The following GSE1 variants were observed in gnomAD, a reference collection of about 807,000 sequenced individuals.
GSE1 encodes the protein genetic suppressor element 1.
A neutral mutation model predicts 112.6 loss-of-function variants in GSE1; 32 were observed. The ratio of observed to expected loss-of-function variants is 0.28; its 90% CI spans 0.21 to 0.38. The LOEUF is 0.38. GSE1 is among the 10% of genes least tolerant of loss of function. The pLI is 1.00. For missense variants in GSE1, 2,348 were observed against 1,699.2 expected (o/e 1.38, Z -6.71); for synonymous variants, 1,115 against 735.6 (o/e 1.52, Z -8.35).
At chr16:85,668,448 G>A (rs770332974) in intron 14 of GSE1, 24 bp downstream of exon 14, 2 of 1,492,748 alleles carry the variant, frequency 1.3e-6, no homozygotes, top group Non-Finnish European at 1.8e-6. Flanking sequence ...GGGGAAGAGG[G>A]GGGAGGGGGT....
intron 1 of GSE1, among the ~76,000 whole-genome samples, chr16:85,326,213 G>A (rs1036312467): frequency 1.3e-5 from 2 of 151,968 alleles, no homozygotes; most frequent in African/African-American, 4.8e-5. Context: ...ACCTGGGAGG[G>A]GCGGTTAAGC....
chr16:85,224,057 T>A lies in GSE1; in HGVS notation c.2283+52250T>A, dbSNP rs539098848. 9.9e-5 allele frequency among the ~76,000 whole-genome samples: 15 copies of A among 152,062 alleles called. No individual in the cohort carries two copies. In the East Asian group the frequency reaches 2.7e-3, roughly 27 times the overall value. On this transcript the variant is annotated intron_variant, in intron 1 of 2. Transcript: ENST00000637419. Reference sequence around the variant, plus strand: ...TATCAGCACCATTTTCAAGACATTCTGGAGGCAGAGACACTTCCTCCCTTG... The same window carrying A: ...TATCAGCACCATTTTCAAGACATTCAGGAGGCAGAGACACTTCCTCCCTTG...
At chr16:85,547,671 A>G (rs1209985756) in intron 2 of GSE1, among the ~76,000 whole-genome samples, 1 of 151,170 alleles carries the variant, frequency 6.6e-6, no homozygotes, top group Non-Finnish European at 1.5e-5. Flanking sequence ...ACCTGAAGTC[A>G]GGAGTTCGAG....
At chr16:85,589,491 TGA>T (rs757769256) in intron 1 of GSE1, among the ~76,000 whole-genome samples, 99 of 152,254 alleles carry the variant, frequency 6.5e-4, no homozygotes, top group Admixed American at 1.2e-3. Flanking sequence ...CCTGGTGGGT[TGA>T]GTTTCCCTGG....
intron 1 of GSE1, among the ~76,000 whole-genome samples, chr16:85,332,607 A>G (rs2046398843): frequency 6.6e-6 from 1 of 151,992 alleles, no homozygotes; most frequent in South Asian, 2.1e-4. Context: ...CCAGGGCCGC[A>G]CTGCTCTCTG....
intron 2 of GSE1, among the ~76,000 whole-genome samples, chr16:85,387,909 T>C (rs1209216820): frequency 6.7e-6 from 1 of 150,270 alleles, no homozygotes; most frequent in East Asian, 2.0e-4. Flanking sequence ...TGTGAGTGGA[T>C]AGGTGGGTGA....
At chr16:85,380,022 C>T (rs1482419160) in intron 2 of GSE1, among the ~76,000 whole-genome samples, 2 of 152,230 alleles carry the variant, frequency 1.3e-5, no homozygotes, top group African/African-American at 4.8e-5. Flanking sequence ...GACAGAACAG[C>T]AGGTGTTTGG....
intron 11 of GSE1, 91 bp downstream of exon 11, chr16:85,663,705 G>A: frequency 7.7e-7 from 1 of 1,298,968 alleles, no homozygotes; most frequent in Non-Finnish European, 1.1e-6. Context: ...CTCCAGGCAG[G>A]ATCTGCGATC....
Position 85,568,158 on chromosome 16 carries a change from A to G in GSE1, c.37+11795A>G, listed in dbSNP as rs367553730. Among the ~76,000 whole-genome samples, 231 of 152,322 alleles carry G rather than the reference A, an allele frequency of 1.5e-3. 1 individual carries two copies. Among genetic ancestry groups the G allele is most frequent in the African/African-American group, 5.2e-3 (216 of 41,560 alleles). ...CACCCACCCACATCCTCTGTGAAGT[A>G]TGTGTTTCCAGAGAGTGGTAGCCTT... On this transcript the variant is annotated intron_variant, in intron 1 of 2. Coordinates refer to the GSE1 transcript ENST00000635906.
At chr16:85,453,978 C>A (rs764985902) in intron 2 of GSE1, among the ~76,000 whole-genome samples, 1 of 152,118 alleles carries the variant, frequency 6.6e-6, no homozygotes, top group Non-Finnish European at 1.5e-5. Context: ...GGTCCTCATG[C>A]CCCAGGAAGG....
At chr16:85,610,877 G>C (rs958314905), upstream of GSE1, among the ~76,000 whole-genome samples, 1 of 152,232 alleles carries the variant, frequency 6.6e-6, no homozygotes, top group African/African-American at 2.4e-5. Flanking sequence ...TCGCAATCCA[G>C]GGGAGCTAGA....
chr16:85,588,712 C>T (rs2046823735), intron 1 of GSE1, among the ~76,000 whole-genome samples: 1 of 152,180 alleles, frequency 6.6e-6, no homozygotes, highest in South Asian at 2.1e-4. Flanking sequence ...CTTGGGCAGG[C>T]GGCGAAATCT....
At chr16:85,205,990 CGGT>C (rs2075108120) in intron 1 of GSE1, among the ~76,000 whole-genome samples, 1 of 152,190 alleles carries the variant, frequency 6.6e-6, no homozygotes, top group Non-Finnish European at 1.5e-5. Context: ...AGACAGATGT[CGGT>C]GGCCAAATCA....
At chr16:85,324,876 T>G (rs981143491) in intron 1 of GSE1, among the ~76,000 whole-genome samples, 4 of 152,234 alleles carry the variant, frequency 2.6e-5, no homozygotes, top group Non-Finnish European at 5.9e-5. Flanking sequence ...TGGAGTTAGT[T>G]GCACGGCATT....
chr16:85,449,843 A>G (rs985643188), intron 2 of GSE1, among the ~76,000 whole-genome samples: 1 of 152,204 alleles, frequency 6.6e-6, no homozygotes, highest in Non-Finnish European at 1.5e-5. Context: ...TCTGATGATG[A>G]CAACAATAAT....
intron 1 of GSE1, among the ~76,000 whole-genome samples, chr16:85,616,909 A>T (rs553206581): frequency 7.7e-4 from 117 of 152,194 alleles, no homozygotes; most frequent in Non-Finnish European, 1.4e-3. Context: ...GACAGATAAA[A>T]CAGGAGCGTG....
intron 2 of GSE1, among the ~76,000 whole-genome samples, chr16:85,372,444 C>T (rs1250612541): frequency 6.9e-6 from 1 of 143,906 alleles, no homozygotes; most frequent in Non-Finnish European, 1.5e-5. Flanking sequence ...ATGCACACTG[C>T]ACTCCAACCT....
intron 1 of GSE1, among the ~76,000 whole-genome samples, chr16:85,294,863 T>C (rs189861539): frequency 6.6e-6 from 1 of 152,242 alleles, no homozygotes; most frequent in East Asian, 1.9e-4. Context: ...TTTGAAAGTG[T>C]ACAGTTTAGT....
chr16:85,651,115 G>A (rs1487334056), intron 3 of GSE1, among the ~76,000 whole-genome samples: 2 of 142,052 alleles, frequency 1.4e-5, no homozygotes, highest in African/African-American at 5.3e-5. Context: ...CATCGTTGCA[G>A]CTGCGGCTGC....
Sources: gnomAD v4.1 joint callset for allele counts (sites outside exome capture counted in the v4.1 genomes callset) on GRCh38, gnomAD v4.1.1 for gene constraint, MANE v1.5 for transcripts, NCBI Gene and HGNC (gene_info 2026-07-23, HGNC 2026-07-21) for gene names.